Variants in PCDH10 observed in about 807,000 individuals in gnomAD.
The protein encoded by PCDH10 is protocadherin 10.
PCDH10 carries 15 observed loss-of-function variants against 74.4 expected under a neutral mutation model. The ratio of observed to expected loss-of-function variants is 0.20; its 90% CI spans 0.13 to 0.31. The LOEUF (loss-of-function observed/expected upper bound fraction) is 0.31. PCDH10 is among the 10% of genes least tolerant of loss of function. The pLI is 1.00. For missense variants in PCDH10, 1,260 were observed against 1,390.2 expected (o/e 0.91, Z 1.49); for synonymous variants, 619 against 589.8 (o/e 1.05, Z -0.72).
Position 133,150,229 on chromosome 4 carries a change from A to T in PCDH10, c.89A>T (p.His30Leu). ...TACACGGTACAGGAGGAGCAGGAAC[A>T]TGGCACTTTCGTGGGGAATATCGCT... Reference protein sequence around the residue: ...LHYTVQEEQEHGTFVGNIAED... With the variant: ...LHYTVQEEQELGTFVGNIAED... Residue 30 changes from histidine to leucine, a missense_variant, in exon 1 of 5, where the codon CAT becomes CTT. This residue lies in a region of PCDH10 where 103 missense variants were observed against 91.5 expected (regional missense o/e 1.13). Coordinates refer to ENST00000264360, the MANE Select transcript of PCDH10 (RefSeq NM_032961.3). 1 of 1,613,924 alleles carries T rather than the reference A, an allele frequency of 6.2e-7. No individual in the cohort carries two copies. The highest frequency in any genetic ancestry group is 8.5e-7 in the Non-Finnish European group (1 of 1,179,964).
At chr4:133,179,625 C>A (rs1727367351) in intron 4 of PCDH10, among the ~76,000 whole-genome samples, 1 of 152,092 alleles carries the variant, frequency 6.6e-6, no homozygotes, top group Admixed American at 6.6e-5. Flanking sequence ...GAGAAGACTT[C>A]TCAGACACTA....
intron 4 of PCDH10, among the ~76,000 whole-genome samples, chr4:133,180,603 T>C (rs907633712): frequency 1.3e-5 from 2 of 152,156 alleles, no homozygotes; most frequent in East Asian, 3.9e-4. Flanking sequence ...TATGTGAGTA[T>C]ACATTTTCAA....
At chr4:133,174,471 G>T (rs1727254205) in intron 4 of PCDH10, among the ~76,000 whole-genome samples, 2 of 151,776 alleles carry the variant, frequency 1.3e-5, no homozygotes, top group African/African-American at 4.8e-5. Context: ...ACTACCTACT[G>T]AGTGTCCATT....
At chr4:133,166,339 AT>A in intron 4 of PCDH10, among the ~76,000 whole-genome samples, 1 of 151,614 alleles carries the variant, frequency 6.6e-6, no homozygotes, top group East Asian at 1.9e-4. Flanking sequence ...AAAATTAATA[AT>A]TGCCTACAGC....
chr4:133,152,186 C>A lies in PCDH10; in HGVS notation c.2046C>A (p.Ala682=), dbSNP rs148357904. Residue 682 remains alanine (A), a synonymous_variant, in exon 1 of 5, where the codon GCC becomes GCA. Coordinates refer to ENST00000264360, the MANE Select transcript of PCDH10 (RefSeq NM_032961.3). ...TGGTGGTTCAGCTGGTGGATGGCGC[C>A]GTGGAGCCCCAGGGCGGGGGCGGGA... ...ATLVVQLVDG[A]VEPQGGGGSG... 6 of 1,574,178 alleles carry A rather than the reference C, an allele frequency of 3.8e-6. No individual in the cohort carries two copies. In the African/African-American group the frequency reaches 6.7e-5, roughly 18 times the overall value.
intron 3 of PCDH10, among the ~76,000 whole-genome samples, chr4:133,158,215 A>C (rs1277530947): frequency 3.3e-5 from 5 of 152,194 alleles, no homozygotes; most frequent in Admixed American, 2.6e-4. Flanking sequence ...TATTTCTTCT[A>C]TTTTAGGATA....
rs1032652567 is a variant in PCDH10 at position 133,194,197 on chromosome 4, A to G, written c.*4037A>G. 14 of 151,900 alleles carry G rather than the reference A, an allele frequency of 9.2e-5. No individual in the cohort carries two copies. Among genetic ancestry groups the G allele is most frequent in the African/African-American group, 2.9e-4 (12 of 41,442 alleles). 9.4% of individuals were successfully genotyped at this position (151,900 alleles called of 1,614,324 possible). A position where few individuals can be genotyped will look rare whatever the true frequency, so the allele number is the denominator to read the frequency against. The stretch of plus-strand genomic sequence containing the variant: ...TTCTAATCACTGTTATTTTTTAAGT[A>G]TTTGTAAAATTAGAAAAATTGCTTT... On this transcript the variant is annotated 3_prime_UTR_variant, in exon 5 of 5. Coordinates refer to ENST00000264360, the MANE Select transcript of PCDH10 (RefSeq NM_032961.3).
downstream of PCDH10, among the ~76,000 whole-genome samples, chr4:133,196,676 A>G (rs1297212838): frequency 1.3e-5 from 2 of 152,224 alleles, no homozygotes; most frequent in African/African-American, 2.4e-5. Flanking sequence ...GGCTGTTATC[A>G]TCTTTGTTTC....
At chr4:133,189,843 G>A (rs1727621534) in intron 4 of PCDH10, among the ~76,000 whole-genome samples, 1 of 151,986 alleles carries the variant, frequency 6.6e-6, no homozygotes, top group Non-Finnish European at 1.5e-5. Flanking sequence ...GTGAAGTGTA[G>A]GGATTGTTTT....
In PCDH10 at chr4:133,151,415, G is replaced by A. The variant is rs756049981; in HGVS notation, c.1275G>A (p.Ala425=). The A allele has an allele frequency of 3.7e-6, 6 of 1,614,094 alleles. No individual in the cohort carries two copies. In the South Asian group the frequency reaches 6.6e-5, roughly 18 times the overall value. ...CCGAAGCCCCCCTGGACCGAGAGGC[G>A]GGGGACTCCTACACCCTGACTGTAG... ...IVTEAPLDRE[A]GDSYTLTVVA... Residue 425 remains alanine, a synonymous_variant, in exon 1 of 5, where the codon GCG becomes GCA. Transcript: ENST00000264360.
At chr4:133,154,439 T>C (rs1726819129) in intron 2 of PCDH10, 74 bp downstream of exon 2, 1 of 797,426 alleles carries the variant, frequency 1.3e-6, no homozygotes, top group Admixed American at 2.8e-5. Flanking sequence ...GGTATATTAT[T>C]CTAAATTAAA....
chr4:133,199,802 T>C (rs1245823130), intron 2 of PCDH10, among the ~76,000 whole-genome samples: 1 of 147,966 alleles, frequency 6.8e-6, no homozygotes, highest in Non-Finnish European at 1.5e-5. Flanking sequence ...ATTATTATTA[T>C]TATTATTATT....
intron 1 of PCDH10, chr4:133,153,008 C>A (rs1205155448): frequency 7.0e-7 from 1 of 1,434,414 alleles, no homozygotes; most frequent in Non-Finnish European, 9.1e-7. Flanking sequence ...TACTTTGCCA[C>A]CTTGGAGCTC....
chr4:133,177,269 G>A (rs1398667567), intron 4 of PCDH10, among the ~76,000 whole-genome samples: 1 of 152,010 alleles, frequency 6.6e-6, no homozygotes, highest in Non-Finnish European at 1.5e-5. Context: ...TGCCTCCTTT[G>A]TTCTTCACTA....
chr4:133,202,363 G>A (rs1194298648), intron 2 of PCDH10, among the ~76,000 whole-genome samples: 1 of 152,142 alleles, frequency 6.6e-6, no homozygotes, highest in African/African-American at 2.4e-5. Context: ...AATTAAACTA[G>A]CGGCTCGAGG....
At position 133,191,812 on chromosome 4, in the gene PCDH10, T is replaced by C. The variant is rs1727676371; in HGVS notation, c.*1652T>C. ...CCTGTTTTGAAATACTTTCCTTAATTTTTAACTGATCTTATATTCAATGAC... is the reference window on the plus strand; with the variant it reads ...CCTGTTTTGAAATACTTTCCTTAATCTTTAACTGATCTTATATTCAATGAC... On this transcript the variant is annotated 3_prime_UTR_variant, in exon 5 of 5. Coordinates refer to ENST00000264360, the MANE Select transcript of PCDH10 (RefSeq NM_032961.3). 6.6e-6 allele frequency: 1 copy of C among 151,684 alleles called. No homozygotes were observed. Among genetic ancestry groups the C allele is most frequent in the Non-Finnish European group, 1.5e-5 (1 of 67,700 alleles). 9.4% of individuals were successfully genotyped at this position (151,684 alleles called of 1,614,324 possible). A position where few individuals can be genotyped will look rare whatever the true frequency, so the allele number is the denominator to read the frequency against.
rs982067727 is a variant in PCDH10 at position 133,207,448 on chromosome 4, T to C, written n.438-628T>C. Reference sequence around the variant, plus strand: ...TGACACCTGAGTGTTAATGAGCTGATAATTAAGAGCTGGCACATACAGACA... The same window carrying C: ...TGACACCTGAGTGTTAATGAGCTGACAATTAAGAGCTGGCACATACAGACA... On this transcript the variant is annotated intron_variant and non_coding_transcript_variant, in intron 2 of 2. Coordinates refer to the PCDH10 transcript ENST00000511112. 2.0e-5 allele frequency among the ~76,000 whole-genome samples: 3 copies of C among 152,274 alleles called. No homozygotes were observed. The South Asian group carries it at 6.2e-4, about 32-fold the overall frequency.
intron 1 of PCDH10, 27 bp from the exon 2 acceptor site, chr4:133,154,280 C>G (rs1307836471): frequency 1.3e-6 from 2 of 1,532,890 alleles, no homozygotes; most frequent in South Asian, 2.3e-5. Context: ...CATTCAAATG[C>G]TCTTGATTTA....
rs908984808 is a variant in PCDH10, at chr4:133,151,961, C to T, written c.1821C>T (p.Asp607=). Residue 607 remains aspartate (D), a synonymous_variant, in exon 1 of 5, where the codon GAC becomes GAT. Coordinates refer to ENST00000264360, the MANE Select transcript of PCDH10 (RefSeq NM_032961.3). The stretch of plus-strand genomic sequence containing the variant: ...TGCTCACCCGCGTGGCCGCCGTGGA[C>T]GCGGACGACGGCGAGAACGCCCGGC... ...GYLLTRVAAV[D]ADDGENARLT... is the part of the protein sequence containing the mutation. 1.2e-6 allele frequency: 2 copies of T among 1,612,368 alleles called. No homozygotes were observed. The highest frequency in any genetic ancestry group is 2.7e-5 in the African/African-American group (2 of 74,934).
Sources: allele counts gnomAD v4.1 joint callset (sites outside exome capture counted in the v4.1 genomes callset), GRCh38; gene constraint gnomAD v4.1.1; regional missense constraint gnomAD v4.1.1; transcripts MANE v1.5; gene names NCBI Gene and HGNC (gene_info 2026-07-23, HGNC 2026-07-21).